The following COL22A1 variants were observed in gnomAD, a reference collection of about 807,000 sequenced individuals.
The protein encoded by COL22A1 is collagen type XXII alpha 1 chain.
Under a neutral mutation model 248.9 loss-of-function variants are expected in COL22A1, and 221 were observed. The observed-to-expected ratio is 0.89, with a 90% confidence interval of 0.80 to 0.99. The LOEUF is 0.99. Among genes scored for constraint, COL22A1 ranks in the 50% least tolerant of loss-of-function variants. The pLI is 0.00. For missense variants in COL22A1, 2,240 were observed against 2,179.0 expected (o/e 1.03, Z -0.56); for synonymous variants, 891 against 793.4 (o/e 1.12, Z -2.07).
At chr8:138,870,316 G>A (rs1823226660) in intron 3 of COL22A1, among the ~76,000 whole-genome samples, 1 of 151,866 alleles carries the variant, frequency 6.6e-6, no homozygotes, top group African/African-American at 2.4e-5. Context: ...TATGGTGTGT[G>A]TATATAGAAT....
chr8:138,856,031 A>G (rs1449602263), intron 3 of COL22A1, among the ~76,000 whole-genome samples: 1 of 152,182 alleles, frequency 6.6e-6, no homozygotes, highest in East Asian at 1.9e-4. Context: ...AGAGCTGGAC[A>G]GTGGGGCTGG....
At chr8:138,649,235 T>A (rs1240881161) in intron 46 of COL22A1, among the ~76,000 whole-genome samples, 1 of 152,168 alleles carries the variant, frequency 6.6e-6, no homozygotes, top group Non-Finnish European at 1.5e-5. Flanking sequence ...TAATGGGGTG[T>A]CATAAACAGG....
At chr8:138,806,151 ATGG>A (rs1427509266) in intron 10 of COL22A1, among the ~76,000 whole-genome samples, 5 of 50,418 alleles carry the variant, frequency 9.9e-5, no homozygotes, top group Non-Finnish European at 1.6e-4. Flanking sequence ...TGTGTGTGTG[ATGG>A]TGTGTGTGTG....
rs1265967043 is a variant in COL22A1, at chr8:138,722,053, C to T, written c.2284G>A (p.Gly762Ser). The T allele has an allele frequency of 1.3e-6, 2 of 1,580,840 alleles. No homozygotes were observed. The highest frequency in any genetic ancestry group is 8.6e-7 in the Non-Finnish European group (1 of 1,161,354). Residue 762 changes from glycine (G) to serine (S), a missense_variant, in exon 26 of 65, where the codon GGT becomes AGT. By Grantham distance (56) the Gly-to-Ser change is moderately conservative (BLOSUM62 0). Transcript: ENST00000303045. Reference protein sequence around the residue: ...PGKDGPNGPPGPPGTKGEPGE... With the variant: ...PGKDGPNGPPSPPGTKGEPGE... ...TGACCAACCTTGGTTCCTGGCGGAC[C>T]TGGTGGTCCATTTGGCCCGTCCTTT...
intron 4 of COL22A1, among the ~76,000 whole-genome samples, chr8:138,834,153 T>TA (rs1820260309): frequency 6.6e-6 from 1 of 152,146 alleles, no homozygotes; most frequent in Non-Finnish European, 1.5e-5. Context: ...CGCCTGAAAC[T>TA]GTCTCTCTCA....
intron 49 of COL22A1, among the ~76,000 whole-genome samples, chr8:138,634,792 C>T (rs750019531): frequency 5.9e-5 from 9 of 152,202 alleles, no homozygotes; most frequent in Non-Finnish European, 1.0e-4. Context: ...CCCAACATCA[C>T]TCTAATTGCA....
Position 138,698,994 on chromosome 8 carries a change from G to A in COL22A1, c.2592+1118C>T, listed in dbSNP as rs1054816210. Among the ~76,000 whole-genome samples the A allele has an allele frequency of 2.6e-5, 4 of 152,304 alleles. No homozygotes were observed. The South Asian group carries it at 6.2e-4, about 24-fold the overall frequency. On this transcript the variant is annotated intron_variant, in intron 32 of 64. Coordinates refer to ENST00000303045, the MANE Select transcript of COL22A1 (RefSeq NM_152888.3). ...ATAATTGAGAAAACTAGGTCTCAGC[G>A]AAGAAACATAAGGAACATTTTCCAG...
At chr8:138,672,845 C>G (rs747593515) in intron 41 of COL22A1, among the ~76,000 whole-genome samples, 13 of 152,190 alleles carry the variant, frequency 8.5e-5, no homozygotes, top group Non-Finnish European at 1.6e-4. Context: ...AGGAGCAAGT[C>G]CTGGGTTACA....
At chr8:138,594,285 AGGGGGCCG>A in intron 62 of COL22A1, 86 bp from the exon 63 acceptor site, 1 of 1,216,858 alleles carries the variant, frequency 8.2e-7, no homozygotes, top group South Asian at 1.5e-5. Flanking sequence ...ACTCAGAACC[AGGGGGCCG>A]ATAATAGCTG....
chr8:138,877,448 A>G (rs1823807545), intron 3 of COL22A1, among the ~76,000 whole-genome samples: 1 of 152,196 alleles, frequency 6.6e-6, no homozygotes, highest in African/African-American at 2.4e-5. Flanking sequence ...CCCAGGTGGC[A>G]GGGTGGTTAG....
At chr8:138,643,711 AT>A (rs966656765) in intron 47 of COL22A1, among the ~76,000 whole-genome samples, 4 of 150,048 alleles carry the variant, frequency 2.7e-5, no homozygotes, top group East Asian at 3.9e-4. Context: ...ATTTTAAAAA[AT>A]TTTTTTTTCT....
chr8:138,764,126 C>A (rs550907322), intron 16 of COL22A1, among the ~76,000 whole-genome samples: 1 of 152,270 alleles, frequency 6.6e-6, no homozygotes, highest in Non-Finnish European at 1.5e-5. Context: ...TGTTTTTCTT[C>A]CAGGGGTTGC....
chr8:138,793,834 G>T (rs2131592749), intron 12 of COL22A1, among the ~76,000 whole-genome samples: 1 of 152,336 alleles, frequency 6.6e-6, no homozygotes. Context: ...CAGGGAGGAA[G>T]GAGGCTTCCG....
At chr8:138,890,198 A>T (rs1824953696) in intron 1 of COL22A1, among the ~76,000 whole-genome samples, 2 of 150,922 alleles carry the variant, frequency 1.3e-5, no homozygotes, top group Admixed American at 1.3e-4. Context: ...CTTTCATGAT[A>T]AAAAAAATAA....
chr8:138,874,294 G>A (rs1000855988), intron 3 of COL22A1, among the ~76,000 whole-genome samples: 2 of 152,182 alleles, frequency 1.3e-5, no homozygotes, highest in Non-Finnish European at 2.9e-5. Context: ...CAGAATCCAT[G>A]AGCTTTTCTT....
chr8:138,851,723 G>A (rs1316034346), intron 3 of COL22A1, among the ~76,000 whole-genome samples: 1 of 152,182 alleles, frequency 6.6e-6, no homozygotes, highest in Non-Finnish European at 1.5e-5. Context: ...GTGACAGCCA[G>A]CAGACCTTCT....
intron 2 of COL22A1, among the ~76,000 whole-genome samples, chr8:138,879,712 A>G (rs10107532): frequency 0.094 from 7,745 of 82,578 alleles, 355 homozygotes; most frequent in Middle Eastern, 0.11. Flanking sequence ...AAAAAAAAAA[A>G]AAGAAGAAGA....
At chr8:138,611,581 T>C (rs1818868351) in intron 56 of COL22A1, among the ~76,000 whole-genome samples, 1 of 152,256 alleles carries the variant, frequency 6.6e-6, no homozygotes, top group Non-Finnish European at 1.5e-5. Context: ...GAAGTTTTAA[T>C]ATCACAGCTA....
intron 12 of COL22A1, among the ~76,000 whole-genome samples, chr8:138,781,781 C>T (rs1815032029): frequency 6.6e-6 from 1 of 152,182 alleles, no homozygotes; most frequent in Admixed American, 6.5e-5. Flanking sequence ...TGCCTGAGAT[C>T]TCCCCGCCCC....
Sources: gnomAD v4.1 joint callset for allele counts (sites outside exome capture counted in the v4.1 genomes callset) on GRCh38, gnomAD v4.1.1 for gene constraint, MANE v1.5 for transcripts, NCBI Gene and HGNC (gene_info 2026-07-23, HGNC 2026-07-21) for gene names.